The following FGF14 variants were observed in gnomAD, a reference collection of about 807,000 sequenced individuals.
FGF14 encodes the protein fibroblast growth factor homologous factor 4.
A neutral mutation model predicts 25.5 loss-of-function variants in FGF14; 5 were observed. The ratio of observed to expected loss-of-function variants is 0.20; its 90% CI spans 0.10 to 0.41. The LOEUF is 0.41. FGF14 is among the 10% of genes least tolerant of loss of function. The pLI is 1.00. For synonymous variants in FGF14, 138 were observed against 118.3 expected (o/e 1.17, Z -1.08); for missense variants, 222 against 320.1 (o/e 0.69, Z 2.34).
chr13:101,745,049 G>C (rs2036798898), intron 3 of FGF14, among the ~76,000 whole-genome samples: 1 of 151,876 alleles, frequency 6.6e-6, no homozygotes, highest in African/African-American at 2.4e-5. Context: ...GATTCTGTAG[G>C]GGTTCATTTT....
At chr13:102,162,194 G>C (rs1287403846) in intron 1 of FGF14, among the ~76,000 whole-genome samples, 1 of 152,116 alleles carries the variant, frequency 6.6e-6, no homozygotes, top group Non-Finnish European at 1.5e-5. Flanking sequence ...CTCTCTCAAT[G>C]GCAACTGAAG....
chr13:102,124,947 T>TA (rs1368697319), intron 1 of FGF14, among the ~76,000 whole-genome samples: 1 of 152,154 alleles, frequency 6.6e-6, no homozygotes, highest in Non-Finnish European at 1.5e-5. Flanking sequence ...TTCACTACTC[T>TA]AGTATTCAGA....
At chr13:102,145,235 G>A (rs2046806232) in intron 1 of FGF14, among the ~76,000 whole-genome samples, 1 of 152,066 alleles carries the variant, frequency 6.6e-6, no homozygotes, top group South Asian at 2.1e-4. Flanking sequence ...TGGCAATTGG[G>A]TTTTTTTGGC....
At chr13:102,396,342 C>T (rs369471548) in intron 1 of FGF14, among the ~76,000 whole-genome samples, 2 of 152,100 alleles carry the variant, frequency 1.3e-5, no homozygotes, top group Non-Finnish European at 2.9e-5. Flanking sequence ...TTCAAACAGC[C>T]CAACTGTTTC....
Position 101,720,528 on chromosome 13 carries a change from C to T in FGF14, c.*2303G>A, listed in dbSNP as rs1359339734. The T allele has an allele frequency of 1.1e-5, 1 of 92,694 alleles. No individual in the cohort carries two copies. Among genetic ancestry groups the T allele is most frequent in the African/African-American group, 4.7e-5 (1 of 21,218 alleles). 5.7% of individuals were successfully genotyped at this position (92,694 alleles called of 1,614,324 possible). ...AGTAACAAATAGATGGGGGTGTTTG[C>T]TCTGTGTGTGTGTGTGTGTGTGTGT... On this transcript the variant is annotated 3_prime_UTR_variant, in exon 5 of 5. Coordinates refer to ENST00000376143, the MANE Select transcript of FGF14 (RefSeq NM_004115.4).
chr13:102,146,326 G>A (rs1318663690), intron 1 of FGF14, among the ~76,000 whole-genome samples: 1 of 152,148 alleles, frequency 6.6e-6, no homozygotes, highest in African/African-American at 2.4e-5. Flanking sequence ...TTTGTGGGAT[G>A]AGCAACAAAG....
intron 1 of FGF14, among the ~76,000 whole-genome samples, chr13:101,969,375 A>T (rs2037452084): frequency 6.6e-6 from 1 of 152,208 alleles, no homozygotes; most frequent in Non-Finnish European, 1.5e-5. Flanking sequence ...CATCCTGGCT[A>T]ACACGGTGAA....
At chr13:102,282,308 C>T (rs958946432) in intron 1 of FGF14, among the ~76,000 whole-genome samples, 4 of 152,072 alleles carry the variant, frequency 2.6e-5, no homozygotes, top group Non-Finnish European at 4.4e-5. Context: ...TCAGGTGATC[C>T]GCCCACCTTG....
chr13:102,219,647 T>C (rs903428465), intron 1 of FGF14, among the ~76,000 whole-genome samples: 1 of 152,202 alleles, frequency 6.6e-6, no homozygotes, highest in Non-Finnish European at 1.5e-5. Context: ...GTTCAGCTGT[T>C]GAAATTGATA....
chr13:102,183,768 G>A (rs1322932277), intron 1 of FGF14, among the ~76,000 whole-genome samples: 4 of 152,104 alleles, frequency 2.6e-5, no homozygotes, highest in South Asian at 2.1e-4. Flanking sequence ...CTTGGGAATC[G>A]GACAGACCTA....
chr13:101,781,922 C>T (rs77617546), intron 3 of FGF14, among the ~76,000 whole-genome samples: 2,740 of 152,284 alleles, frequency 0.018, 35 homozygotes, highest in South Asian at 0.043. Flanking sequence ...GCCTACTATG[C>T]TTTCATTTTT....
intron 1 of FGF14, among the ~76,000 whole-genome samples, chr13:101,903,238 G>GTGT (rs2031798073): frequency 6.7e-6 from 1 of 149,478 alleles, no homozygotes; most frequent in Admixed American, 6.7e-5. Flanking sequence ...CTCTAATTGT[G>GTGT]GTGTGTGTGT....
chr13:102,109,420 T>C (rs1192032078), intron 1 of FGF14, among the ~76,000 whole-genome samples: 1 of 152,164 alleles, frequency 6.6e-6, no homozygotes, highest in Non-Finnish European at 1.5e-5. Context: ...TAAGTGTTCT[T>C]ACCACACACA....
intron 1 of FGF14, among the ~76,000 whole-genome samples, chr13:102,392,017 C>T (rs928742428): frequency 2.1e-4 from 32 of 152,170 alleles, no homozygotes; most frequent in Non-Finnish European, 3.8e-4. Context: ...TCTTAAAGTA[C>T]AATATTATAC....
intron 1 of FGF14, among the ~76,000 whole-genome samples, chr13:102,275,234 TTCTC>T (rs938286146): frequency 3.6e-4 from 24 of 67,484 alleles, no homozygotes; most frequent in South Asian, 2.6e-3. Flanking sequence ...TTAGGCAGAT[TTCTC>T]TCTCTCTCTC....
At chr13:101,835,156 G>C (rs2042861545) in intron 3 of FGF14, among the ~76,000 whole-genome samples, 1 of 151,982 alleles carries the variant, frequency 6.6e-6, no homozygotes, top group African/African-American at 2.4e-5. Flanking sequence ...TTGATACATT[G>C]GAGTTGGAAA....
In FGF14 at chr13:101,998,431, T is replaced by C. The variant is rs145833611; in HGVS notation, c.209-123135A>G. Among the ~76,000 whole-genome samples, 71 of 152,224 alleles carry C rather than the reference T, an allele frequency of 4.7e-4. No individual in the cohort carries two copies. The Middle Eastern group carries it at 0.014, about 29-fold the overall frequency. ...TATTTGTCATACAAACCAGAACTCT[T>C]TGGGAGAGAATGGGGTGCTATTAAT... On this transcript the variant is annotated intron_variant, in intron 1 of 4. Coordinates refer to the FGF14 transcript ENST00000376131.
intron 1 of FGF14, among the ~76,000 whole-genome samples, chr13:102,071,088 C>T (rs1488440814): frequency 6.6e-6 from 1 of 152,082 alleles, no homozygotes; most frequent in Non-Finnish European, 1.5e-5. Flanking sequence ...ACAAAATCAG[C>T]CAAAGTACTT....
At position 102,006,725 on chromosome 13, in the gene FGF14, TTC is replaced by T. The variant is rs1400808464; in HGVS notation, c.209-131431_209-131430del. Among the ~76,000 whole-genome samples the T allele has an allele frequency of 1.7e-3, 210 of 122,114 alleles. 2 individuals carry two copies. The highest frequency in any genetic ancestry group is 2.5e-3 in the African/African-American group (76 of 30,486). 80.1% of individuals were successfully genotyped at this position (122,114 alleles called of 152,430 possible). A position where few individuals can be genotyped will look rare whatever the true frequency, so the allele number is the denominator to read the frequency against. On this transcript the variant is annotated intron_variant, in intron 1 of 4. Transcript: ENST00000376131. The stretch of plus-strand genomic sequence containing the variant: ...TGAAATATGAGTCACAAAATCTTAC[TTC>T]TTTTTTTTTTTTTTTTTTTTTTTTT...
Sources: gnomAD v4.1 joint callset for allele counts (sites outside exome capture counted in the v4.1 genomes callset) on GRCh38, gnomAD v4.1.1 for gene constraint, MANE v1.5 for transcripts, NCBI Gene and HGNC (gene_info 2026-07-23, HGNC 2026-07-21) for gene names.